MRC2: variants seen among roughly 807,000 people sequenced by gnomAD.
MRC2 encodes the protein mannose receptor C-type 2.
A neutral mutation model predicts 206.2 loss-of-function variants in MRC2; 84 were observed. The ratio of observed to expected loss-of-function variants is 0.41; its 90% confidence interval spans 0.34 to 0.49. The LOEUF is 0.49. MRC2 is among the 20% of genes least tolerant of loss of function. The probability of loss-of-function intolerance (pLI) is 0.31; values close to 1 mark genes in which losing one functional copy is unlikely to be tolerated. For synonymous variants in MRC2, 798 were observed against 800.0 expected, an observed-to-expected ratio of 1.00 and a Z score of 0.04; for missense variants, 1,676 against 2,001.5, an observed-to-expected ratio of 0.84 and a Z score of 3.10.
Position 62,692,600 on chromosome 17 carries a change from G to A in MRC2, c.*149G>A. 1.3e-6 allele frequency: 1 copy of A among 789,270 alleles called. No homozygotes were observed. The highest frequency in any genetic ancestry group is 2.0e-6 in the Non-Finnish European group (1 of 505,152). 48.9% of individuals were successfully genotyped at this position (789,270 alleles called of 1,614,324 possible). A position where few individuals can be genotyped will look rare whatever the true frequency, so the allele number is the denominator to read the frequency against. ...TGGGAGCCGGAGCTGGGCAGAGCCT[G>A]GGCTGGTGGGGTGCCACCCTCCCAC... On this transcript the variant is annotated 3_prime_UTR_variant, in exon 30 of 30. Coordinates refer to ENST00000303375, the MANE Select transcript of MRC2 (RefSeq NM_006039.5). This position sits in a 1 kb window ranked among gnomAD's most constrained non-coding sequence, Gnocchi z 4.2.
intron 20 of MRC2, chr17:62,683,898 G>A (rs2089001879): frequency 1.3e-5 from 2 of 151,922 alleles, no homozygotes; most frequent in South Asian, 4.2e-4. Context: ...AATAATTATT[G>A]TTTAATATGC....
Position 62,692,675 on chromosome 17 carries a change from G to C in MRC2, c.*224G>C. 1.9e-6 allele frequency: 1 copy of C among 531,636 alleles called. No homozygotes were observed. The highest frequency in any genetic ancestry group is 3.4e-6 in the Non-Finnish European group (1 of 296,344). The allele number at this position is 531,636 out of a possible 1,614,324, so 32.9% of individuals were successfully genotyped here. ...AGTGCAGCGTGGCGTTTCCCTTTCT[G>C]GGGGGGCCTGAGGTCTTGTCACCTG... On this transcript the variant is annotated 3_prime_UTR_variant, in exon 30 of 30. Coordinates refer to ENST00000303375, the MANE Select transcript of MRC2 (RefSeq NM_006039.5). This position sits in a 1 kb window ranked among gnomAD's most constrained non-coding sequence, Gnocchi z 4.2.
intron 10 of MRC2, 41 bp from the exon 11 acceptor site, chr17:62,676,342 A>G (rs2088891311): frequency 2.5e-6 from 4 of 1,608,908 alleles, no homozygotes; most frequent in South Asian, 1.1e-5. Flanking sequence ...GGGGATTGGG[A>G]AGCAGGGAGA....
At position 62,690,026 on chromosome 17, in the gene MRC2, A is replaced by G; in HGVS notation, c.3706A>G (p.Thr1236Ala). 1.2e-6 allele frequency: 2 copies of G among 1,609,278 alleles called. No individual in the cohort carries two copies. Among genetic ancestry groups the G allele is most frequent in the Non-Finnish European group, 1.7e-6 (2 of 1,177,962 alleles). Residue 1236 changes from threonine to alanine, a missense_variant, in exon 25 of 30, where the codon ACC becomes GCC. Physicochemically the swap from Thr to Ala is moderately conservative, Grantham distance 58 (BLOSUM62 0). Transcript: ENST00000303375. ...DGAWRTTSCD[T>A]KLQGAVCGVS... is the part of the protein sequence containing the mutation. ...GGCCTGGCGCACCACCAGCTGTGAC[A>G]CCAAGCTGCAGGGGGCTGTGTGTGG...
At chr17:62,674,493 G>A (rs1422612426) in intron 9 of MRC2, among the ~76,000 whole-genome samples, 1 of 152,144 alleles carries the variant, frequency 6.6e-6, no homozygotes, top group Non-Finnish European at 1.5e-5. Context: ...TCAGAGTCCA[G>A]CCTAGTCATG....
chr17:62,688,540 T>C lies in MRC2; in HGVS notation c.3101T>C (p.Leu1034Pro). The C allele has an allele frequency of 6.2e-7, 1 of 1,614,232 alleles. No individual in the cohort carries two copies. The highest frequency in any genetic ancestry group is 2.2e-5 in the East Asian group (1 of 44,878). ...AGCCTGCCCAATGTGACCTTTGACC[T>C]TTGGATTGGCCTCCATGCCTCGCAG... Reference protein sequence around the residue: ...TASLPNVTFDLWIGLHASQRD... With the variant: ...TASLPNVTFDPWIGLHASQRD... Residue 1034 changes from leucine to proline, a missense_variant, in exon 22 of 30, where the codon CTT (leucine) becomes CCT (proline). Leu to Pro is a moderately conservative substitution (Grantham distance 98). Coordinates refer to ENST00000303375, the MANE Select transcript of MRC2 (RefSeq NM_006039.5).
intron 20 of MRC2, among the ~76,000 whole-genome samples, chr17:62,682,758 C>G (rs1005457019): frequency 1.3e-5 from 2 of 151,768 alleles, no homozygotes; most frequent in Non-Finnish European, 2.9e-5. Context: ...TCTCTTGCCT[C>G]AGCCTCCCGA....
intron 1 of MRC2, among the ~76,000 whole-genome samples, chr17:62,629,708 G>A (rs2084201241): frequency 6.6e-6 from 1 of 152,234 alleles, no homozygotes; most frequent in African/African-American, 2.4e-5. Flanking sequence ...CAGAGCCTCT[G>A]GGCCGAATTC....
chr17:62,680,641 TGG>T lies in MRC2; in HGVS notation c.2474-156_2474-155del. ...TTCCGTGTGGGAGGCGAGGCAAGCCTGGGGCCTGGGGCCTGGCACGGTGCCTG... is the reference window on the plus strand; with the variant it reads ...TTCCGTGTGGGAGGCGAGGCAAGCCTGGCCTGGGGCCTGGCACGGTGCCTG... On this transcript the variant is annotated intron_variant, in intron 16 of 29. Transcript: ENST00000303375. This position sits in a 1 kb window ranked among gnomAD's most constrained non-coding sequence, Gnocchi z 4.8. 1 of 1,235,764 alleles carries T rather than the reference TGG, an allele frequency of 8.1e-7. No homozygotes were observed. Among genetic ancestry groups the T allele is most frequent in the Non-Finnish European group, 1.1e-6 (1 of 916,400 alleles). The allele number at this position is 1,235,764 out of a possible 1,614,324, so 76.5% of individuals were successfully genotyped here.
At position 62,671,256 on chromosome 17, in the gene MRC2, G is replaced by A. The variant is rs2088822454; in HGVS notation, c.1118-393G>A. Among the ~76,000 whole-genome samples, 1 of 152,048 alleles carries A rather than the reference G, an allele frequency of 6.6e-6. No individual in the cohort carries two copies. Among genetic ancestry groups the A allele is most frequent in the Admixed American group, 6.6e-5 (1 of 15,262 alleles). Reference sequence around the variant, plus strand: ...TGGCTAATTTTTTATTTTTTATAGAGATGGGGTCTCCCCTTTGTTGCCCAG... The same window carrying A: ...TGGCTAATTTTTTATTTTTTATAGAAATGGGGTCTCCCCTTTGTTGCCCAG... On this transcript the variant is annotated intron_variant, in intron 6 of 29. Coordinates refer to ENST00000303375, the MANE Select transcript of MRC2 (RefSeq NM_006039.5). The surrounding 1 kb of genome is among the most constrained non-coding windows in gnomAD (Gnocchi z 4.5).
intron 6 of MRC2, among the ~76,000 whole-genome samples, chr17:62,670,112 T>C (rs2088809062): frequency 6.6e-6 from 1 of 152,192 alleles, no homozygotes; most frequent in Admixed American, 6.5e-5. Flanking sequence ...TGCAGACAGA[T>C]GTAAGGCCTC....
chr17:62,690,268 G>C lies in MRC2; in HGVS notation c.3855G>C (p.Leu1285=). ...EHCYSFHMEL[L]LGHKEARQRC... Reference sequence around the variant, plus strand: ...GCTATTCTTTCCACATGGAGCTGCTGCTGGGCCACAAGGAGGCGCGACAGC... The same window carrying C: ...GCTATTCTTTCCACATGGAGCTGCTCCTGGGCCACAAGGAGGCGCGACAGC... Residue 1285 remains leucine, a synonymous_variant, in exon 26 of 30, where the codon CTG becomes CTC. Coordinates refer to ENST00000303375, the MANE Select transcript of MRC2 (RefSeq NM_006039.5). 1 of 1,612,902 alleles carries C rather than the reference G, an allele frequency of 6.2e-7. No homozygotes were observed. The highest frequency in any genetic ancestry group is 2.2e-5 in the East Asian group (1 of 44,858).
intron 1 of MRC2, among the ~76,000 whole-genome samples, chr17:62,640,395 G>A (rs993094194): frequency 3.9e-5 from 6 of 152,134 alleles, no homozygotes; most frequent in Non-Finnish European, 8.8e-5. Context: ...TGCCAACACC[G>A]TGGTGAGCAG....
rs1255260499 is a variant in MRC2 at position 62,691,005 on chromosome 17, C to G, written c.4069C>G (p.Pro1357Ala). 2.5e-6 allele frequency: 4 copies of G among 1,609,452 alleles called. No homozygotes were observed. The South Asian group carries it at 4.4e-5, about 18-fold the overall frequency. The change falls in exon 28 of 30, where the codon CCG becomes GCG. Residue 1357 changes from proline to alanine, a missense_variant. Physicochemically the swap from Pro to Ala is conservative, Grantham distance 27 (BLOSUM62 -1). Transcript: ENST00000303375. The stretch of plus-strand genomic sequence containing the variant: ...TGTGAACTACTCCAACTGGGGGCCC[C>G]CGGGCTTGGGCCCCAGCATGCTGAG... The part of the protein sequence containing the change: ...TAVNYSNWGP[P>A]GLGPSMLSHN...
At chr17:62,635,246 C>T (rs552944318) in intron 1 of MRC2, among the ~76,000 whole-genome samples, 1 of 122,366 alleles carries the variant, frequency 8.2e-6, no homozygotes, top group Non-Finnish European at 1.6e-5. Context: ...ATTACTTCTT[C>T]GTGACACTTT....
In MRC2 at chr17:62,680,114, G is replaced by C. The variant is rs1285581348; in HGVS notation, c.2299-56G>C. On this transcript the variant is annotated intron_variant, in intron 14 of 29. Coordinates refer to ENST00000303375, the MANE Select transcript of MRC2 (RefSeq NM_006039.5). This position sits in a 1 kb window ranked among gnomAD's most constrained non-coding sequence, Gnocchi z 4.8. ...CTCTTGTTCACCTGTTCCGGGCATG[G>C]GGGCGGCCTGCACCTTGCGCCTCAC... 7 of 1,608,166 alleles carry C rather than the reference G, an allele frequency of 4.4e-6. No individual in the cohort carries two copies. The East Asian group carries it at 1.6e-4, about 36-fold the overall frequency.
chr17:62,683,937 GA>G (rs1222448790), intron 20 of MRC2: 1 of 152,036 alleles, frequency 6.6e-6, no homozygotes, highest in Non-Finnish European at 1.5e-5. Context: ...TACAAAAAGT[GA>G]AACAATACAG....
At chr17:62,633,791 C>T (rs960630312) in intron 1 of MRC2, among the ~76,000 whole-genome samples, 2 of 122,658 alleles carry the variant, frequency 1.6e-5, no homozygotes, top group Admixed American at 1.1e-4. Flanking sequence ...TAGTGAGCCA[C>T]GATTGCATCA....
chr17:62,678,356 A>C lies in MRC2; in HGVS notation c.2053-148A>C. ...CCAGCTCCCCTCCCCAGACCTCTGC[A>C]GATGAACAGGATTGTCCTTAGCTAG... On this transcript the variant is annotated intron_variant, in intron 12 of 29. Transcript: ENST00000303375. 3.3e-5 allele frequency: 36 copies of C among 1,106,978 alleles called. No individual in the cohort carries two copies. In the Admixed American group the frequency reaches 3.3e-4, roughly 10 times the overall value. 68.6% of individuals were successfully genotyped at this position (1,106,978 alleles called of 1,614,324 possible). A position where few individuals can be genotyped will look rare whatever the true frequency, so the allele number is the denominator to read the frequency against.
Sources: allele counts gnomAD v4.1 joint callset (sites outside exome capture counted in the v4.1 genomes callset), GRCh38; gene constraint gnomAD v4.1.1; non-coding constraint Gnocchi (gnomAD v3.1); transcripts MANE v1.5; gene names NCBI Gene and HGNC (gene_info 2026-07-23, HGNC 2026-07-21).